Variants in PPP1R36 observed in about 807,000 individuals in gnomAD.
The protein encoded by PPP1R36 is protein phosphatase 1 regulatory subunit 36.
PPP1R36 carries 47 observed loss-of-function variants against 53.4 expected under a neutral mutation model. That is an observed-to-expected ratio of 0.88 (90% CI 0.70 to 1.12). The LOEUF (loss-of-function observed/expected upper bound fraction) is 1.12. Ranked by LOEUF, PPP1R36 falls within the 50% of genes most tolerant of loss-of-function variation. The pLI is 0.00. For missense variants in PPP1R36, 456 were observed against 513.9 expected, an observed-to-expected ratio of 0.89 and a Z score of 1.09; for synonymous variants, 153 against 170.5, an observed-to-expected ratio of 0.90 and a Z score of 0.80.
chr14:64,550,276 T>C, intron 1 of PPP1R36: 1 of 1,367,962 alleles, frequency 7.3e-7, no homozygotes, highest in Non-Finnish European at 9.4e-7. Context: ...GAATTCTGGC[T>C]CCCTGCGCAG....
intron 2 of PPP1R36, among the ~76,000 whole-genome samples, chr14:64,551,243 A>G (rs8007506): frequency 0.091 from 13,830 of 152,244 alleles, 690 homozygotes; most frequent in Middle Eastern, 0.12. Context: ...TGAGGTTTCA[A>G]AGGGTTCAGC....
chr14:64,554,347 C>T (rs1437241794), intron 3 of PPP1R36, among the ~76,000 whole-genome samples: 1 of 151,994 alleles, frequency 6.6e-6, no homozygotes. Context: ...GACAGGGTTT[C>T]TCCATGTTGG....
intron 8 of PPP1R36, among the ~76,000 whole-genome samples, chr14:64,585,238 G>A (rs988312598): frequency 3.3e-5 from 5 of 152,192 alleles, no homozygotes; most frequent in Admixed American, 2.0e-4. Flanking sequence ...GAAGCAGGCC[G>A]GGCACCTTGG....
At position 64,589,347 on chromosome 14, in the gene PPP1R36, A is replaced by G. The variant is rs1456062573; in HGVS notation, c.*9A>G. 7 of 1,573,382 alleles carry G rather than the reference A, an allele frequency of 4.4e-6. No individual in the cohort carries two copies. Among genetic ancestry groups the G allele is most frequent in the African/African-American group, 1.4e-5 (1 of 73,308 alleles). On this transcript the variant is annotated 3_prime_UTR_variant, in exon 12 of 12. Transcript: ENST00000298705. ...CATCATGCCCTAAGTAACCTGGTACATTCCATATCTCAAGTAAACTACTTT... is the reference window on the plus strand; with the variant it reads ...CATCATGCCCTAAGTAACCTGGTACGTTCCATATCTCAAGTAAACTACTTT...
intron 8 of PPP1R36, among the ~76,000 whole-genome samples, chr14:64,576,520 T>C (rs1319152057): frequency 6.6e-6 from 1 of 152,206 alleles, no homozygotes; most frequent in Non-Finnish European, 1.5e-5. Context: ...GATATACATA[T>C]GAAGTTTCTC....
chr14:64,550,170 TC>T, intron 1 of PPP1R36, 104 bp downstream of exon 1: 1 of 1,466,714 alleles, frequency 6.8e-7, no homozygotes, highest in Non-Finnish European at 9.1e-7. Context: ...AGGCGGGTCG[TC>T]GCCTTCGCCC....
At chr14:64,572,842 C>G (rs1413402826) in intron 7 of PPP1R36, among the ~76,000 whole-genome samples, 1 of 152,150 alleles carries the variant, frequency 6.6e-6, no homozygotes, top group Non-Finnish European at 1.5e-5. Context: ...ACTGGCAGCT[C>G]TGGCAGAGTA....
chr14:64,579,830 C>A (rs569427706), intron 8 of PPP1R36, among the ~76,000 whole-genome samples: 1 of 151,984 alleles, frequency 6.6e-6, no homozygotes. Flanking sequence ...ATTAGCCGGG[C>A]GTGGTGGCGG....
chr14:64,555,875 T>C (rs2080146531), intron 3 of PPP1R36, among the ~76,000 whole-genome samples: 1 of 152,186 alleles, frequency 6.6e-6, no homozygotes, highest in South Asian at 2.1e-4. Flanking sequence ...CACCACTCTC[T>C]TAACATTTTG....
rs770415937 is a variant in PPP1R36 at position 64,589,341 on chromosome 14, T to C, written c.*3T>C. ...CTCATACATCATGCCCTAAGTAACC[T>C]GGTACATTCCATATCTCAAGTAAAC... is the stretch of plus-strand genomic sequence containing the variant. On this transcript the variant is annotated 3_prime_UTR_variant, in exon 12 of 12. Transcript: ENST00000298705. The C allele has an allele frequency of 1.9e-6, 3 of 1,594,110 alleles. No homozygotes were observed. The highest frequency in any genetic ancestry group is 2.3e-5 in the South Asian group (2 of 88,438).
intron 3 of PPP1R36, among the ~76,000 whole-genome samples, chr14:64,558,957 G>A (rs745947335): frequency 1.6e-4 from 25 of 152,080 alleles, no homozygotes; most frequent in Admixed American, 5.2e-4. Flanking sequence ...ACTCTTATCA[G>A]TAGGTTTACC....
chr14:64,589,153 G>A lies in PPP1R36; in HGVS notation c.1084G>A (p.Val362Ile). The part of the protein sequence containing the change: ...GTLDSVPMPV[V>I]GILGEPRCLF... The stretch of plus-strand genomic sequence containing the variant: ...CTATCCCAATAATTCTTTTCACAGA[G>A]TTGGCATCTTGGGGGAGCCTCGATG... Residue 362 changes from valine (V) to isoleucine (I), a missense_variant and splice_region_variant, in exon 12 of 12, where the codon GTT becomes ATT. Transcript: ENST00000298705. 6.2e-7 allele frequency: 1 copy of A among 1,611,100 alleles called. No individual in the cohort carries two copies.
At chr14:64,562,064 G>C (rs1228736152) in intron 3 of PPP1R36, 1 of 303,456 alleles carries the variant, frequency 3.3e-6, no homozygotes, top group African/African-American at 2.2e-5. Flanking sequence ...GTAATATTAG[G>C]GAACTACATC....
At chr14:64,583,900 C>CTT (rs912391508) in intron 8 of PPP1R36, among the ~76,000 whole-genome samples, 15 of 120,090 alleles carry the variant, frequency 1.2e-4, no homozygotes, top group East Asian at 5.0e-4. Flanking sequence ...GTTACCTCCT[C>CTT]TTTTTTTTTT....
At chr14:64,583,255 C>A (rs934562918) in intron 8 of PPP1R36, among the ~76,000 whole-genome samples, 5 of 151,206 alleles carry the variant, frequency 3.3e-5, no homozygotes, top group South Asian at 4.2e-4. Flanking sequence ...AATTTATAAT[C>A]AATTTATTTT....
chr14:64,588,511 G>T, intron 11 of PPP1R36: 1 of 428,418 alleles, frequency 2.3e-6, no homozygotes. Flanking sequence ...CTAGAAAGTG[G>T]TGCTAGACTC....
At chr14:64,565,747 T>C (rs2080248054) in intron 6 of PPP1R36, 55 bp downstream of exon 6, 2 of 1,300,124 alleles carry the variant, frequency 1.5e-6, no homozygotes, top group Admixed American at 1.7e-5. Flanking sequence ...TTTCAGTAAC[T>C]TCATCTGATA....
At chr14:64,552,490 A>AAAAT (rs145041636) in intron 2 of PPP1R36, among the ~76,000 whole-genome samples, 1 of 152,074 alleles carries the variant, frequency 6.6e-6, no homozygotes, top group Non-Finnish European at 1.5e-5. Context: ...CTCCATCTCA[A>AAAAT]AAATAAATAA....
chr14:64,555,016 T>TA (rs990483178), intron 3 of PPP1R36, among the ~76,000 whole-genome samples: 1 of 152,160 alleles, frequency 6.6e-6, no homozygotes, highest in African/African-American at 2.4e-5. Context: ...AATACCTACT[T>TA]AAAAAAATTA....
Sources: gnomAD v4.1 joint callset for allele counts (sites outside exome capture counted in the v4.1 genomes callset) on GRCh38, gnomAD v4.1.1 for gene constraint, MANE v1.5 for transcripts, NCBI Gene and HGNC (gene_info 2026-07-23, HGNC 2026-07-21) for gene names.